CNTN5: variants seen among roughly 807,000 people sequenced by gnomAD.
CNTN5 encodes contactin-5.
CNTN5 carries 77 observed loss-of-function variants against 129.1 expected under a neutral mutation model. That is an observed-to-expected ratio of 0.60 (90% CI 0.50 to 0.72). The LOEUF (loss-of-function observed/expected upper bound fraction) is 0.72, where lower values mean the gene tolerates loss of function less well. Among genes scored for constraint, CNTN5 ranks in the 30% least tolerant of loss-of-function variants. The pLI is 0.00. For missense variants in CNTN5, 1,478 were observed against 1,328.8 expected, an observed-to-expected ratio of 1.11 and a Z score of -1.75; for synonymous variants, 509 against 465.6, an observed-to-expected ratio of 1.09 and a Z score of -1.20.
rs554252106 is a variant in CNTN5 at position 99,718,342 on chromosome 11, T to C, written c.56-101202T>C. Among the ~76,000 whole-genome samples, 160 of 152,266 alleles carry C rather than the reference T, an allele frequency of 1.1e-3. 1 individual carries two copies. Among genetic ancestry groups the C allele is most frequent in the African/African-American group, 3.6e-3 (150 of 41,570 alleles). ...TTTTGACTAACTTGTTCATAATATA[T>C]ATTGTTATCCTACAAATTTGTCTTA... On this transcript the variant is annotated intron_variant, in intron 3 of 24. Transcript: ENST00000524871.
chr11:99,468,191 C>G (rs1385815387), intron 2 of CNTN5, among the ~76,000 whole-genome samples: 1 of 152,116 alleles, frequency 6.6e-6, no homozygotes, highest in Non-Finnish European at 1.5e-5. Flanking sequence ...ATACTGCTGA[C>G]AAAAACGAAT....
intron 3 of CNTN5, among the ~76,000 whole-genome samples, chr11:99,817,731 C>T (rs758076424): frequency 2.1e-4 from 31 of 150,868 alleles, no homozygotes; most frequent in Middle Eastern, 3.2e-3. Context: ...AAAACTCATT[C>T]ACTTTTCATT....
intron 3 of CNTN5, among the ~76,000 whole-genome samples, chr11:99,792,573 G>GTGTGTGTGTGTGTGTGTGTCTGTC (rs34622017): frequency 3.7e-4 from 43 of 116,682 alleles, no homozygotes; most frequent in African/African-American, 1.5e-3. Flanking sequence ...GTGTGTGTGT[G>GTGTGTGTGTGTGTGTGTGTCTGTC]TGTCTGTCTG....
chr11:99,517,796 T>A (rs2135429340), intron 2 of CNTN5, among the ~76,000 whole-genome samples: 1 of 152,248 alleles, frequency 6.6e-6, no homozygotes, highest in Admixed American at 6.6e-5. Context: ...ATAGCCCACC[T>A]AACTTTAGTT....
At chr11:99,964,150 A>T (rs1237338779) in intron 8 of CNTN5, among the ~76,000 whole-genome samples, 5 of 152,046 alleles carry the variant, frequency 3.3e-5, no homozygotes, top group Non-Finnish European at 7.4e-5. Context: ...AATACCCTTT[A>T]TTTCCTTCTC....
At chr11:99,937,306 G>C (rs1209514981) in intron 7 of CNTN5, among the ~76,000 whole-genome samples, 1 of 152,188 alleles carries the variant, frequency 6.6e-6, no homozygotes, top group African/African-American at 2.4e-5. Flanking sequence ...CTGGAGGATA[G>C]CCATATAAAT....
intron 9 of CNTN5, among the ~76,000 whole-genome samples, chr11:100,042,440 C>G (rs1942436287): frequency 6.6e-6 from 1 of 152,068 alleles, no homozygotes; most frequent in Non-Finnish European, 1.5e-5. Context: ...ATGTAAAATT[C>G]ATATCTCACT....
chr11:99,842,578 A>G lies in CNTN5; in HGVS notation c.278-2274A>G, dbSNP rs185695645. On this transcript the variant is annotated intron_variant, in intron 4 of 24. Coordinates refer to ENST00000524871, the MANE Select transcript of CNTN5 (RefSeq NM_014361.4). ...CAACTCTAAAGCTCAGGAGTTGTCT[A>G]TAACACTTATTATATGTGAATTTTA... is the stretch of plus-strand genomic sequence containing the variant. Among the ~76,000 whole-genome samples, 15 of 152,316 alleles carry G rather than the reference A, an allele frequency of 9.8e-5. No individual in the cohort carries two copies. In the East Asian group the frequency reaches 2.3e-3, roughly 24 times the overall value.
intron 13 of CNTN5, among the ~76,000 whole-genome samples, chr11:100,130,715 G>A (rs1180924016): frequency 1.3e-5 from 2 of 152,104 alleles, no homozygotes; most frequent in African/African-American, 4.8e-5. Context: ...AGATTTGGAA[G>A]TGGAAGTGTA....
intron 13 of CNTN5, among the ~76,000 whole-genome samples, chr11:100,099,798 T>C (rs1302850744): frequency 2.6e-5 from 4 of 152,088 alleles, no homozygotes; most frequent in African/African-American, 7.2e-5. Flanking sequence ...TTGATCGCCA[T>C]ACTTAGTACA....
chr11:99,480,063 T>C (rs1271727388), intron 2 of CNTN5, among the ~76,000 whole-genome samples: 2 of 152,314 alleles, frequency 1.3e-5, no homozygotes, highest in East Asian at 3.9e-4. Flanking sequence ...TTTAAGGTTG[T>C]TGCTATTCAA....
intron 3 of CNTN5, among the ~76,000 whole-genome samples, chr11:99,770,855 T>G (rs1944920983): frequency 6.6e-6 from 1 of 151,994 alleles, no homozygotes; most frequent in African/African-American, 2.4e-5. Context: ...CCAAAGCAAT[T>G]TTGAGAAAAA....
intron 1 of CNTN5, among the ~76,000 whole-genome samples, chr11:99,174,754 T>C (rs1179853618): frequency 6.6e-6 from 1 of 151,926 alleles, no homozygotes; most frequent in South Asian, 2.1e-4. Flanking sequence ...GTTATTAAAT[T>C]GGTAATTTAA....
Position 99,133,639 on chromosome 11 carries a change from G to GCAGCA in CNTN5, c.-210+112373_-210+112374insACAGC, listed in dbSNP as rs138117886. Among the ~76,000 whole-genome samples, 58 of 10,536 alleles carry GCAGCA rather than the reference G, an allele frequency of 5.5e-3. 2 individuals carry two copies. The South Asian group carries it at 0.12, about 21-fold the overall frequency. 6.9% of individuals were successfully genotyped at this position (10,536 alleles called of 152,430 possible). A position where few individuals can be genotyped will look rare whatever the true frequency, so the allele number is the denominator to read the frequency against. ...TCAAGAAAAAAAAAAGACCATACATGCAGCTAACATGAAAAGAAGCTCAAT... is the reference window on the plus strand; with the variant it reads ...TCAAGAAAAAAAAAAGACCATACATGCAGCACAGCTAACATGAAAAGAAGCTCAAT... On this transcript the variant is annotated intron_variant, in intron 1 of 24. Transcript: ENST00000524871.
chr11:99,758,024 A>C (rs967937218), intron 3 of CNTN5, among the ~76,000 whole-genome samples: 3 of 152,052 alleles, frequency 2.0e-5, no homozygotes, highest in African/African-American at 7.2e-5. Flanking sequence ...ACAAAATACT[A>C]ATCTTTACCA....
intron 2 of CNTN5, among the ~76,000 whole-genome samples, chr11:99,482,885 C>T (rs977518858): frequency 5.3e-5 from 8 of 151,952 alleles, no homozygotes; most frequent in South Asian, 2.1e-4. Context: ...CAAAAAAACA[C>T]GTATGCTAAA....
intron 4 of CNTN5, among the ~76,000 whole-genome samples, chr11:99,828,597 A>G (rs1160293615): frequency 6.6e-6 from 1 of 152,218 alleles, no homozygotes; most frequent in Non-Finnish European, 1.5e-5. Context: ...CCGATACCCT[A>G]TGCTATTTTA....
At position 100,070,952 on chromosome 11, in the gene CNTN5, G is replaced by A. The variant is rs941525994; in HGVS notation, c.1299+392G>A. ...TTTAGATATCACCTAAAATTGCTCG[G>A]TATCTTCGTTGATAGACAAAGCACT... On this transcript the variant is annotated intron_variant, in intron 11 of 24. Coordinates refer to ENST00000524871, the MANE Select transcript of CNTN5 (RefSeq NM_014361.4). 6.0e-5 allele frequency among the ~76,000 whole-genome samples: 9 copies of A among 150,102 alleles called. 1 individual carries two copies. Among genetic ancestry groups the A allele is most frequent in the Middle Eastern group, 6.4e-3 (2 of 312 alleles).
rs61042118 is a variant in CNTN5, at chr11:100,072,990, C to CAAAAAAAAAAAAAAAAAA, written c.1430-1150_1430-1133dup. 1.4e-3 allele frequency among the ~76,000 whole-genome samples: 111 copies of CAAAAAAAAAAAAAAAAAA among 79,062 alleles called. 15 individuals carry two copies. Among genetic ancestry groups the CAAAAAAAAAAAAAAAAAA allele is most frequent in the African/African-American group, 6.2e-3 (103 of 16,510 alleles). 51.9% of individuals were successfully genotyped at this position (79,062 alleles called of 152,430 possible). ...TTTTGTAAATTCTATTCCCAGGAGG[C>CAAAAAAAAAAAAAAAAAA]AAAAAAAAAAAAAAAAAAAAAGTTA... On this transcript the variant is annotated intron_variant, in intron 12 of 24. Transcript: ENST00000524871.
Sources: gnomAD v4.1 joint callset for allele counts (sites outside exome capture counted in the v4.1 genomes callset) on GRCh38, gnomAD v4.1.1 for gene constraint, MANE v1.5 for transcripts, NCBI Gene and HGNC (gene_info 2026-07-23, HGNC 2026-07-21) for gene names.